PRKAR1A: variants seen among roughly 807,000 people sequenced by gnomAD.
The protein encoded by PRKAR1A is cAMP-dependent protein kinase type I-alpha regulatory subunit.
PRKAR1A carries 3 observed loss-of-function variants against 52.0 expected under a neutral mutation model. That is an observed-to-expected ratio of 0.06 (90% CI 0.03 to 0.15). The LOEUF (loss-of-function observed/expected upper bound fraction) is 0.15. PRKAR1A is among the 10% of genes least tolerant of loss of function. The pLI is 1.00. For missense variants in PRKAR1A, 240 were observed against 477.4 expected, an observed-to-expected ratio of 0.50 and a Z score of 4.63; for synonymous variants, 188 against 168.4, an observed-to-expected ratio of 1.12 and a Z score of -0.90.
downstream of PRKAR1A, chr17:68,535,880 AAAG>A (rs1345244023): frequency 4.4e-6 from 2 of 453,906 alleles, no homozygotes; most frequent in Non-Finnish European, 8.8e-6. Flanking sequence ...GTTACAGTGA[AAAG>A]AAGACTTTGG....
the PRKAR1A span, among the ~76,000 whole-genome samples, chr17:68,466,925 C>G: frequency 6.6e-6 from 1 of 152,164 alleles, no homozygotes; most frequent in Non-Finnish European, 1.5e-5. Context: ...ACTACCCATC[C>G]CTCCTCCCCA....
At chr17:68,543,678 T>C (rs1351970061) in intron 11 of PRKAR1A, 3 of 1,613,944 alleles carry the variant, frequency 1.9e-6, no homozygotes, top group South Asian at 1.1e-5. Context: ...TGAAAGTCAA[T>C]GAAGTAGAAG....
At chr17:68,471,777 C>T in the PRKAR1A span, among the ~76,000 whole-genome samples, 1 of 152,100 alleles carries the variant, frequency 6.6e-6, no homozygotes, top group Non-Finnish European at 1.5e-5. Context: ...AGAGGACTCC[C>T]GTGAGACCTT....
chr17:68,421,669 C>A, the PRKAR1A span: 2 of 1,521,930 alleles, frequency 1.3e-6, no homozygotes. Flanking sequence ...GGATTCCTGC[C>A]CCCCTTTCTG....
At chr17:68,529,691 T>C (rs1232938529) in intron 9 of PRKAR1A, among the ~76,000 whole-genome samples, 1 of 152,254 alleles carries the variant, frequency 6.6e-6, no homozygotes, top group African/African-American at 2.4e-5. Context: ...ATCTACAGTT[T>C]GCTAACCCAA....
At chr17:68,511,899 G>A (rs2085272358), upstream of PRKAR1A, 1 of 152,198 alleles carries the variant, frequency 6.6e-6, no homozygotes, top group Admixed American at 6.5e-5. Context: ...CCGGCCCGGG[G>A]CCCTCCCTTG....
rs951098429 is a variant in PRKAR1A, at chr17:68,540,090, G to A, written c.973+10089G>A. The A allele has an allele frequency of 5.0e-6, 4 of 793,926 alleles. No homozygotes were observed. The African/African-American group carries it at 6.8e-5, about 13-fold the overall frequency. The allele number at this position is 793,926 out of a possible 1,614,324, so 49.2% of individuals were successfully genotyped here. On this transcript the variant is annotated intron_variant, in intron 11 of 11. Transcript: ENST00000585981. ...GAGAGACAGGGGTGTGAACGAAGCTGGGCCTCACACTGTCATTTCCTCAGG... is the reference window on the plus strand; with the variant it reads ...GAGAGACAGGGGTGTGAACGAAGCTAGGCCTCACACTGTCATTTCCTCAGG...
chr17:68,443,535 C>T, the PRKAR1A span, among the ~76,000 whole-genome samples: 1 of 152,132 alleles, frequency 6.6e-6, no homozygotes, highest in African/African-American at 2.4e-5. Context: ...TCATGCATGG[C>T]AGTTCCTGTG....
the PRKAR1A span, among the ~76,000 whole-genome samples, chr17:68,473,378 C>T: frequency 7.9e-5 from 12 of 152,190 alleles, no homozygotes; most frequent in East Asian, 1.7e-3. Flanking sequence ...CTCAACGCTC[C>T]AGAAATTAAA....
At chr17:68,528,373 T>G (rs1357587832) in intron 8 of PRKAR1A, among the ~76,000 whole-genome samples, 2 of 152,344 alleles carry the variant, frequency 1.3e-5, no homozygotes, top group Non-Finnish European at 2.9e-5. Context: ...TCTTTGTCTT[T>G]TCTTTGAATT....
At chr17:68,536,423 A>G (rs1445365540), downstream of PRKAR1A, 1 of 454,184 alleles carries the variant, frequency 2.2e-6, no homozygotes, top group Admixed American at 2.3e-5. Context: ...AGTTTCAGAT[A>G]TCAACAAGTC....
the PRKAR1A span, among the ~76,000 whole-genome samples, chr17:68,455,406 C>G: frequency 1.1e-4 from 16 of 149,518 alleles, no homozygotes; most frequent in African/African-American, 3.7e-4. Context: ...AGCACAAGTA[C>G]CAATCACGAA....
chr17:68,543,625 C>G lies in PRKAR1A; in HGVS notation c.974-7459C>G, dbSNP rs1452276380. 5 of 1,613,826 alleles carry G rather than the reference C, an allele frequency of 3.1e-6. No homozygotes were observed. The Admixed American group carries it at 8.3e-5, about 27-fold the overall frequency. On this transcript the variant is annotated intron_variant, in intron 11 of 11. Transcript: ENST00000585981. ...AATGCCATCTCCATGGGGCCAGACC[C>G]TACCTGTCCAGATGGAAAGCTGCGA...
In PRKAR1A at chr17:68,522,781, T is replaced by G; in HGVS notation, c.203T>G (p.Leu68Arg). Reference protein sequence around the residue: ...EKEEAKQIQNLQKAGTRTDSR... With the variant: ...EKEEAKQIQNRQKAGTRTDSR... The stretch of plus-strand genomic sequence containing the variant: ...GAGGAGGCAAAACAGATTCAGAATC[T>G]GCAGAAAGCAGGCACTCGTACAGAC... The change falls in exon 3 of 11, where the codon CTG (leucine) becomes CGG (arginine). Residue 68 changes from leucine (L) to arginine (R), a missense_variant. Leu to Arg is a moderately radical substitution (Grantham distance 102). Transcript: ENST00000589228. 1 of 1,614,150 alleles carries G rather than the reference T, an allele frequency of 6.2e-7. No homozygotes were observed. The highest frequency in any genetic ancestry group is 8.5e-7 in the Non-Finnish European group (1 of 1,180,014).
the PRKAR1A span, chr17:68,444,508 G>A: frequency 1.2e-6 from 2 of 1,613,724 alleles, no homozygotes; most frequent in Non-Finnish European, 1.7e-6. Flanking sequence ...GGGTTTGCAG[G>A]AATATCCAGG....
At chr17:68,424,108 A>G in the PRKAR1A span, among the ~76,000 whole-genome samples, 13 of 152,340 alleles carry the variant, frequency 8.5e-5, no homozygotes, top group Non-Finnish European at 1.8e-4. Context: ...AGTTGGGGCC[A>G]TGAGAACCCA....
At chr17:68,505,134 C>A in the PRKAR1A span, among the ~76,000 whole-genome samples, 4 of 151,982 alleles carry the variant, frequency 2.6e-5, no homozygotes, top group African/African-American at 9.7e-5. Context: ...GTTTCTACCC[C>A]CCAAAATACA....
chr17:68,525,886 C>T lies in PRKAR1A; in HGVS notation c.682C>T (p.Arg228Ter), dbSNP rs281864784. Residue 228 changes from arginine to a stop codon, truncating the protein, a stop_gained, in exon 7 of 11, where the codon CGA becomes TGA. Coordinates refer to ENST00000589228, the MANE Select transcript of PRKAR1A (RefSeq NM_002734.5). LOFTEE classifies it high-confidence loss of function. ...KTNVKLWGID[R>*]DSYRRILMGS... ...AAATGTGAAATTGTGGGGCATCGAC[C>T]GAGACAGCTATAGAAGAATCCTCAT... The T allele has an allele frequency of 6.2e-7, 1 of 1,613,356 alleles. No homozygotes were observed. The highest frequency in any genetic ancestry group is 1.1e-5 in the South Asian group (1 of 91,054).
the PRKAR1A span, among the ~76,000 whole-genome samples, chr17:68,464,124 C>G: frequency 6.6e-6 from 1 of 152,364 alleles, no homozygotes; most frequent in African/African-American, 2.4e-5. Context: ...CAGGTGAAAA[C>G]TGTGTTTAAC....
Sources: allele counts gnomAD v4.1 joint callset (sites outside exome capture counted in the v4.1 genomes callset), GRCh38; gene constraint gnomAD v4.1.1; transcripts MANE v1.5; gene names NCBI Gene and HGNC (gene_info 2026-07-23, HGNC 2026-07-21).